Variants in ARL13B observed in about 807,000 individuals in gnomAD.
ARL13B encodes ARF like GTPase 13B.
Under a neutral mutation model 56.1 loss-of-function variants are expected in ARL13B, and 36 were observed. The ratio of observed to expected loss-of-function variants is 0.64; its 90% CI spans 0.49 to 0.85. The LOEUF is 0.85. Ranked by LOEUF, ARL13B falls within the 40% of genes least tolerant of loss-of-function variation. The pLI is 0.00. For missense variants in ARL13B, 519 were observed against 507.1 expected, an observed-to-expected ratio of 1.02 and a Z score of -0.23; for synonymous variants, 178 against 171.1, an observed-to-expected ratio of 1.04 and a Z score of -0.32.
intron 3 of ARL13B, among the ~76,000 whole-genome samples, chr3:94,006,840 G>A (rs1207793705): frequency 6.6e-6 from 1 of 152,034 alleles, no homozygotes; most frequent in African/African-American, 2.4e-5. Flanking sequence ...ATAATGCCTG[G>A]CATATAATAG....
chr3:94,054,580 CAT>C lies in ARL13B; in HGVS notation c.*1318_*1319del, dbSNP rs1474876714. Reference sequence around the variant, plus strand: ...TGGTAACTTGTACTGACACAACAGACATGTGCTAGTATCTGATAACATTAAGT... The same window carrying C: ...TGGTAACTTGTACTGACACAACAGACGTGCTAGTATCTGATAACATTAAGT... On this transcript the variant is annotated 3_prime_UTR_variant, in exon 10 of 10. Coordinates refer to ENST00000394222, the MANE Select transcript of ARL13B (RefSeq NM_001174150.2). 12 of 396,942 alleles carry C rather than the reference CAT, an allele frequency of 3.0e-5. No homozygotes were observed. Among genetic ancestry groups the C allele is most frequent in the African/African-American group, 2.3e-4 (11 of 47,522 alleles). 24.6% of individuals were successfully genotyped at this position (396,942 alleles called of 1,614,324 possible). A position where few individuals can be genotyped will look rare whatever the true frequency, so the allele number is the denominator to read the frequency against.
In ARL13B at chr3:94,054,216, C is replaced by A; in HGVS notation, c.*953C>A. The A allele has an allele frequency of 2.2e-6, 1 of 452,504 alleles. No homozygotes were observed. Among genetic ancestry groups the A allele is most frequent in the South Asian group, 1.6e-5 (1 of 64,224 alleles). The allele number at this position is 452,504 out of a possible 1,614,324, so 28.0% of individuals were successfully genotyped here. Reference sequence around the variant, plus strand: ...TGAAATTAAACTATGAAATTAAAGGCAGAAAAACTGGAAAACCTACTGCAG... The same window carrying A: ...TGAAATTAAACTATGAAATTAAAGGAAGAAAAACTGGAAAACCTACTGCAG... On this transcript the variant is annotated 3_prime_UTR_variant, in exon 10 of 10. Transcript: ENST00000394222.
intron 1 of ARL13B, among the ~76,000 whole-genome samples, chr3:93,982,498 A>T (rs921122981): frequency 6.6e-6 from 1 of 152,236 alleles, no homozygotes; most frequent in Non-Finnish European, 1.5e-5. Context: ...CAGTCTTTTA[A>T]AAGTATGATT....
intron 2 of ARL13B, among the ~76,000 whole-genome samples, chr3:93,998,023 C>T (rs2075995410): frequency 6.6e-6 from 1 of 152,170 alleles, no homozygotes; most frequent in South Asian, 2.1e-4. Flanking sequence ...TGAGCATGGC[C>T]AAGCTCCACT....
rs1370376143 is a variant in ARL13B at position 94,008,725 on chromosome 3, C to A, written c.380+4817C>A. Among the ~76,000 whole-genome samples, 3 of 152,088 alleles carry A rather than the reference C, an allele frequency of 2.0e-5. 1 individual carries two copies. In the East Asian group the frequency reaches 5.8e-4, roughly 29 times the overall value. On this transcript the variant is annotated intron_variant, in intron 3 of 9. Transcript: ENST00000394222. ...TTACCCCTTCTTTTTATAGTTGAAT[C>A]TCCTAATGCTTTTAACCAAAGTTAT...
At chr3:93,981,000 C>T (rs1348836973) in intron 1 of ARL13B, among the ~76,000 whole-genome samples, 1 of 152,294 alleles carries the variant, frequency 6.6e-6, no homozygotes, top group East Asian at 1.9e-4. Context: ...AGTGATAATA[C>T]TCTGCTTTAG....
chr3:93,980,721 TA>T (rs1192777328), intron 1 of ARL13B, among the ~76,000 whole-genome samples: 1 of 145,158 alleles, frequency 6.9e-6, no homozygotes, highest in East Asian at 2.0e-4. Flanking sequence ...TTGAATTTGT[TA>T]AAAAGTGTGT....
intron 3 of ARL13B, among the ~76,000 whole-genome samples, chr3:94,008,397 CAAAG>C (rs752865904): frequency 4.6e-5 from 7 of 152,048 alleles, no homozygotes; most frequent in Non-Finnish European, 8.8e-5. Flanking sequence ...GTAGTCTTGA[CAAAG>C]AAGGCCTTTC....
intron 7 of ARL13B, among the ~76,000 whole-genome samples, chr3:94,048,797 T>G (rs978014136): frequency 6.6e-6 from 1 of 152,074 alleles, no homozygotes; most frequent in African/African-American, 2.4e-5. Flanking sequence ...GGTCTCCTTA[T>G]GTTGCCCAGA....
At chr3:94,035,957 A>G (rs895204243) in intron 4 of ARL13B, among the ~76,000 whole-genome samples, 1 of 152,056 alleles carries the variant, frequency 6.6e-6, no homozygotes, top group African/African-American at 2.4e-5. Context: ...CTGTAGTCCC[A>G]GCTGCTTGAG....
At chr3:93,981,984 A>G (rs1035909611) in intron 1 of ARL13B, among the ~76,000 whole-genome samples, 2 of 151,756 alleles carry the variant, frequency 1.3e-5, no homozygotes, top group African/African-American at 4.8e-5. Context: ...CTAAGACTTG[A>G]GGGTCATTCA....
chr3:94,049,310 TTAA>T (rs2077030947), intron 7 of ARL13B, 93 bp from the exon 8 acceptor site: 38 of 674,440 alleles, frequency 5.6e-5, no homozygotes, highest in South Asian at 4.9e-4. Context: ...ATGTTTTTTG[TTAA>T]TAATATCAGT....
At chr3:94,044,368 G>A (rs549287159) in intron 7 of ARL13B, among the ~76,000 whole-genome samples, 106 of 139,754 alleles carry the variant, frequency 7.6e-4, no homozygotes, top group African/African-American at 2.7e-3. Context: ...TGTGAGGAGC[G>A]TCTCTGCCCA....
intron 3 of ARL13B, among the ~76,000 whole-genome samples, chr3:94,012,290 A>T (rs967682254): frequency 6.6e-6 from 1 of 152,054 alleles, no homozygotes; most frequent in African/African-American, 2.4e-5. Flanking sequence ...TAAAACCTCC[A>T]CTTGGACCTT....
rs1441131190 is a variant in ARL13B at position 93,992,698 on chromosome 3, GAAC to G, written c.60-3173_60-3171del. The stretch of plus-strand genomic sequence containing the variant: ...TCTTGAAATGCATTGTATACATAAA[GAAC>G]AATTGAGTTAGCTTTAATATTAGCA... On this transcript the variant is annotated intron_variant, in intron 1 of 9. Coordinates refer to ENST00000394222, the MANE Select transcript of ARL13B (RefSeq NM_001174150.2). Among the ~76,000 whole-genome samples the G allele has an allele frequency of 3.3e-5, 5 of 152,090 alleles. No individual in the cohort carries two copies. The East Asian group carries it at 9.7e-4, about 29-fold the overall frequency.
chr3:93,986,527 T>C (rs1710472991), intron 1 of ARL13B, among the ~76,000 whole-genome samples: 1 of 152,236 alleles, frequency 6.6e-6, no homozygotes, highest in African/African-American at 2.4e-5. Flanking sequence ...TTTGTTACTT[T>C]TAGAATTTAT....
At chr3:94,013,217 C>T (rs1003933694) in intron 3 of ARL13B, among the ~76,000 whole-genome samples, 8 of 152,164 alleles carry the variant, frequency 5.3e-5, no homozygotes, top group Admixed American at 1.3e-4. Context: ...GAAAGGTCTT[C>T]GCTGACTACC....
Position 94,014,519 on chromosome 3 carries a change from C to T in ARL13B, c.380+10611C>T, listed in dbSNP as rs140772205. 46 of 1,612,594 alleles carry T rather than the reference C, an allele frequency of 2.9e-5. No individual in the cohort carries two copies. In the African/African-American group the frequency reaches 5.9e-4, roughly 21 times the overall value. On this transcript the variant is annotated intron_variant, in intron 3 of 9. Coordinates refer to ENST00000394222, the MANE Select transcript of ARL13B (RefSeq NM_001174150.2). ...TCTTTTGTACTATTCACTGTCATTT[C>T]AATATTGTTGATGCTCTCTCCTTGT...
Position 94,043,147 on chromosome 3 carries a change from A to T in ARL13B, c.931A>T (p.Asn311Tyr), listed in dbSNP as rs754223332. The T allele has an allele frequency of 6.2e-7, 1 of 1,613,810 alleles. No homozygotes were observed. The highest frequency in any genetic ancestry group is 1.1e-5 in the South Asian group (1 of 91,056). ...QGQVNHNGQK[N>Y]NEFGLVENYK... Reference sequence around the variant, plus strand: ...CCAGGTTAATCACAATGGCCAAAAAAATAATGAATTTGGACTAGTAGAAAA... The same window carrying T: ...CCAGGTTAATCACAATGGCCAAAAATATAATGAATTTGGACTAGTAGAAAA... Residue 311 changes from asparagine to tyrosine, a missense_variant, in exon 7 of 10, where the codon AAT (asparagine) becomes TAT (tyrosine). Coordinates refer to ENST00000394222, the MANE Select transcript of ARL13B (RefSeq NM_001174150.2).
Sources: allele counts gnomAD v4.1 joint callset (sites outside exome capture counted in the v4.1 genomes callset), GRCh38; gene constraint gnomAD v4.1.1; transcripts MANE v1.5; gene names NCBI Gene and HGNC (gene_info 2026-07-23, HGNC 2026-07-21).